The following SFXN5 variants were observed in gnomAD, a reference collection of about 807,000 sequenced individuals.
The protein encoded by SFXN5 is sideroflexin-5.
Under a neutral mutation model 50.2 loss-of-function variants are expected in SFXN5, and 43 were observed. The observed-to-expected ratio is 0.86, with a 90% confidence interval of 0.67 to 1.11. The LOEUF is 1.11. Ranked by LOEUF, SFXN5 falls within the 50% of genes least tolerant of loss-of-function variation. The pLI is 0.00. For missense variants in SFXN5, 463 were observed against 454.1 expected (o/e 1.02, Z -0.18); for synonymous variants, 203 against 185.8 (o/e 1.09, Z -0.75).
intron 6 of SFXN5, among the ~76,000 whole-genome samples, chr2:73,016,321 G>A (rs1676137708): frequency 6.6e-6 from 1 of 152,102 alleles, no homozygotes; most frequent in Non-Finnish European, 1.5e-5. Flanking sequence ...ATAAATCATG[G>A]TACTTCCACT....
At chr2:73,003,561 C>A (rs1674210878) in intron 6 of SFXN5, among the ~76,000 whole-genome samples, 1 of 152,186 alleles carries the variant, frequency 6.6e-6, no homozygotes, top group African/African-American at 2.4e-5. Flanking sequence ...TCAACTGAGT[C>A]TCTTTGCACC....
chr2:72,957,013 C>T (rs755343647), intron 13 of SFXN5: 3 of 456,664 alleles, frequency 6.6e-6, no homozygotes, highest in Middle Eastern at 3.2e-4. Flanking sequence ...CTTTGAATCG[C>T]CCAAGTCCTC....
rs775159488 is a variant in SFXN5, at chr2:73,016,823, C to T, written c.357+3416G>A. On this transcript the variant is annotated intron_variant, in intron 6 of 13. Coordinates refer to ENST00000272433, the MANE Select transcript of SFXN5 (RefSeq NM_144579.3). The stretch of plus-strand genomic sequence containing the variant: ...TATGATGTGGTTACGCCTGATAAAC[C>T]CATCATAAATTGAACATATCGTAAG... 6.9e-4 allele frequency among the ~76,000 whole-genome samples: 105 copies of T among 152,244 alleles called. 3 individuals carry two copies. Among genetic ancestry groups the T allele is most frequent in the Middle Eastern group, 3.4e-3 (1 of 294 alleles).
Position 73,001,536 on chromosome 2 carries a change from C to G in SFXN5, c.400G>C (p.Val134Leu). 6.2e-7 allele frequency: 1 copy of G among 1,614,204 alleles called. No individual in the cohort carries two copies. The highest frequency in any genetic ancestry group is 8.5e-7 in the Non-Finnish European group (1 of 1,180,038). Residue 134 changes from valine (V) to leucine (L), a missense_variant, in exon 7 of 14, where the codon GTC becomes CTC. By Grantham distance (32) the Val-to-Leu change is conservative. Transcript: ENST00000272433. ...TGCGAGACTGTTACCTGCCAGAAGA[C>G]AGTGGATGCCAGTGTCTGGTTGGGC... ...LLPNQTLAST[V>L]FWQWLNQSHN...
At position 72,944,634 on chromosome 2, in the gene SFXN5, A is replaced by C. The variant is rs1030659452; in HGVS notation, c.*388T>G. The C allele has an allele frequency of 1.8e-5, 3 of 169,512 alleles. No individual in the cohort carries two copies. Among genetic ancestry groups the C allele is most frequent in the Non-Finnish European group, 3.8e-5 (3 of 78,388 alleles). The allele number at this position is 169,512 out of a possible 1,614,324, so 10.5% of individuals were successfully genotyped here. A position where few individuals can be genotyped will look rare whatever the true frequency, so the allele number is the denominator to read the frequency against. The stretch of plus-strand genomic sequence containing the variant: ...ACCTGTCCTCCTGCCACTTCTGGTC[A>C]GCTGAAACTAAGGCTCAGATTTGAT... On this transcript the variant is annotated 3_prime_UTR_variant, in exon 14 of 14. Coordinates refer to ENST00000272433, the MANE Select transcript of SFXN5 (RefSeq NM_144579.3).
chr2:72,955,132 CCA>C (rs1356623039), intron 13 of SFXN5, among the ~76,000 whole-genome samples: 1 of 152,192 alleles, frequency 6.6e-6, no homozygotes, highest in African/African-American at 2.4e-5. Context: ...CCTCACTCAT[CCA>C]CAGACAAGCC....
At chr2:73,001,630 C>T (rs1186452681) in intron 6 of SFXN5, 52 bp from the exon 7 acceptor site, 1 of 1,586,710 alleles carries the variant, frequency 6.3e-7, no homozygotes, top group Admixed American at 1.7e-5. Context: ...ACATCCTATG[C>T]TTTTGCAAAG....
intron 8 of SFXN5, among the ~76,000 whole-genome samples, chr2:72,999,947 G>C (rs983848978): frequency 2.6e-5 from 4 of 152,056 alleles, no homozygotes; most frequent in Admixed American, 6.5e-5. Flanking sequence ...AGGGGCTCTG[G>C]GGGGGAGTTA....
intron 12 of SFXN5, among the ~76,000 whole-genome samples, chr2:72,966,250 G>A (rs1674387623): frequency 6.6e-6 from 1 of 152,284 alleles, no homozygotes; most frequent in Admixed American, 6.5e-5. Context: ...TTGTGCGAGT[G>A]TTCTACCTCA....
At chr2:72,963,271 G>A (rs908843128) in intron 12 of SFXN5, among the ~76,000 whole-genome samples, 4 of 152,196 alleles carry the variant, frequency 2.6e-5, no homozygotes, top group South Asian at 2.1e-4. Context: ...AAAGAGAGAC[G>A]CTACCCCCGG....
At chr2:72,991,220 G>A (rs1672558710) in intron 9 of SFXN5, among the ~76,000 whole-genome samples, 1 of 152,222 alleles carries the variant, frequency 6.6e-6, no homozygotes, top group Non-Finnish European at 1.5e-5. Context: ...GGCTAGGCCT[G>A]GCACAGCCCA....
At chr2:73,042,291 G>A (rs888079629) in intron 2 of SFXN5, among the ~76,000 whole-genome samples, 17 of 152,118 alleles carry the variant, frequency 1.1e-4, no homozygotes, top group African/African-American at 3.1e-4. Flanking sequence ...AGCAATATAT[G>A]CACACTATAA....
At position 73,071,655 on chromosome 2, in the gene SFXN5, G is replaced by T. The variant is rs746508100; in HGVS notation, c.51C>A (p.Ser17Arg). Residue 17 changes from serine to arginine, a missense_variant, in exon 1 of 14, where the codon AGC (serine) becomes AGA (arginine). By Grantham distance (110) the Ser-to-Arg change is moderately radical (BLOSUM62 -1). Coordinates refer to ENST00000272433, the MANE Select transcript of SFXN5 (RefSeq NM_144579.3). ...GGAAAGGAGGTGCATCGCTCGAGGC[G>T]CTAGCGGCACTAGCCGCCGCCGCCG... ...TASAAAASAA[S>R]ASSDAPPFQL... The T allele has an allele frequency of 2.1e-5, 34 of 1,613,240 alleles. No homozygotes were observed. The highest frequency in any genetic ancestry group is 2.7e-5 in the Non-Finnish European group (32 of 1,179,840).
At chr2:72,954,114 C>T (rs565511880) in intron 13 of SFXN5, among the ~76,000 whole-genome samples, 17 of 152,260 alleles carry the variant, frequency 1.1e-4, no homozygotes, top group African/African-American at 3.4e-4. Flanking sequence ...GAGGCCAGGA[C>T]GAGACAAGGC....
At chr2:73,071,508 G>C (rs1445703083) in intron 1 of SFXN5, 96 bp downstream of exon 1, 14 of 1,157,408 alleles carry the variant, frequency 1.2e-5, no homozygotes, top group Non-Finnish European at 1.5e-5. Flanking sequence ...GCTGGCCGCG[G>C]GTGGGAGACC....
intron 3 of SFXN5, among the ~76,000 whole-genome samples, chr2:73,027,121 T>C (rs1216273948): frequency 6.6e-6 from 1 of 152,122 alleles, no homozygotes; most frequent in Non-Finnish European, 1.5e-5. Flanking sequence ...CAGGGGGTAT[T>C]CCAGAAAGAG....
At chr2:73,044,021 C>G (rs1679979235) in intron 2 of SFXN5, among the ~76,000 whole-genome samples, 1 of 152,172 alleles carries the variant, frequency 6.6e-6, no homozygotes, top group Admixed American at 6.5e-5. Context: ...AGGCCCCCAC[C>G]CTTAAGCCTG....
chr2:73,016,614 A>G (rs1240219633), intron 6 of SFXN5, among the ~76,000 whole-genome samples: 1 of 152,176 alleles, frequency 6.6e-6, no homozygotes, highest in African/African-American at 2.4e-5. Context: ...CTGAGGCAGG[A>G]GAATCGCTTG....
intron 9 of SFXN5, chr2:72,997,556 G>A (rs1432791008): frequency 1.3e-5 from 2 of 150,918 alleles, no homozygotes; most frequent in South Asian, 2.1e-4. Context: ...ATGGTTTTGG[G>A]GTTTTTTAAT....
Sources: allele counts gnomAD v4.1 joint callset (sites outside exome capture counted in the v4.1 genomes callset), GRCh38; gene constraint gnomAD v4.1.1; transcripts MANE v1.5; gene names NCBI Gene and HGNC (gene_info 2026-07-23, HGNC 2026-07-21).